SPAG16: variants seen among roughly 807,000 people sequenced by gnomAD.
SPAG16 encodes sperm-associated antigen 16 protein.
In SPAG16, 86 loss-of-function variants were observed where a neutral mutation model predicts 80.4. The ratio of observed to expected loss-of-function variants is 1.07; its 90% CI spans 0.90 to 1.28. The LOEUF (loss-of-function observed/expected upper bound fraction) is 1.28, where lower values mean the gene tolerates loss of function less well. Among genes scored for constraint, SPAG16 ranks in the 50% most tolerant of loss-of-function variants. SPAG16 has a pLI of 0.00. For synonymous variants in SPAG16, 294 were observed against 265.9 expected, an observed-to-expected ratio of 1.11 and a Z score of -1.03; for missense variants, 870 against 765.3, an observed-to-expected ratio of 1.14 and a Z score of -1.61.
At chr2:214,173,137 G>A (rs373816825) in intron 15 of SPAG16, among the ~76,000 whole-genome samples, 237 of 151,966 alleles carry the variant, frequency 1.6e-3, no homozygotes, top group Admixed American at 2.5e-3. Context: ...TTTTGTTGCC[G>A]TTGCTTTTGG....
intron 13 of SPAG16, among the ~76,000 whole-genome samples, chr2:214,085,133 A>T (rs2051636864): frequency 6.6e-6 from 1 of 152,194 alleles, no homozygotes. Flanking sequence ...ATAAAGTCAA[A>T]GTTGCGTAAA....
At chr2:213,292,620 C>T (rs1194579060) in intron 1 of SPAG16, among the ~76,000 whole-genome samples, 13 of 143,210 alleles carry the variant, frequency 9.1e-5, no homozygotes, top group Non-Finnish European at 1.7e-4. Flanking sequence ...GCCGAGATCC[C>T]GCCACTGCAC....
intron 14 of SPAG16, among the ~76,000 whole-genome samples, chr2:214,113,524 T>C (rs1241166873): frequency 6.6e-6 from 1 of 152,212 alleles, no homozygotes; most frequent in African/African-American, 2.4e-5. Context: ...CGTTTCTTTT[T>C]AACTCTTTTT....
chr2:213,818,560 C>G (rs535802933), intron 10 of SPAG16, among the ~76,000 whole-genome samples: 1 of 152,292 alleles, frequency 6.6e-6, no homozygotes, highest in South Asian at 2.1e-4. Flanking sequence ...TTTTTTACTA[C>G]TCATCTATTG....
At chr2:214,218,293 G>C (rs2058483644) in intron 15 of SPAG16, among the ~76,000 whole-genome samples, 1 of 152,104 alleles carries the variant, frequency 6.6e-6, no homozygotes, top group African/African-American at 2.4e-5. Context: ...AACAGTCTGG[G>C]GGACCCCTAG....
chr2:214,059,226 A>ATATATATATATATGTATGTG (rs2050123123), intron 13 of SPAG16, among the ~76,000 whole-genome samples: 1 of 115,862 alleles, frequency 8.6e-6, no homozygotes, highest in African/African-American at 3.4e-5. Context: ...GTATGTGTAT[A>ATATATATATATATGTATGTG]TATATATATA....
rs533894885 is a variant in SPAG16 at position 213,347,352 on chromosome 2, A to G, written c.645-3176A>G. ...AAAAAATCAGCTCCTGGATTCATTGATATTTTGAAGGGTTTTTTGTGTCTC... is the reference window on the plus strand; with the variant it reads ...AAAAAATCAGCTCCTGGATTCATTGGTATTTTGAAGGGTTTTTTGTGTCTC... On this transcript the variant is annotated intron_variant, in intron 6 of 15. Coordinates refer to ENST00000331683, the MANE Select transcript of SPAG16 (RefSeq NM_024532.5). Among the ~76,000 whole-genome samples the G allele has an allele frequency of 3.9e-5, 6 of 152,068 alleles. No homozygotes were observed. In the East Asian group the frequency reaches 1.2e-3, roughly 29 times the overall value.
At chr2:213,506,069 G>T (rs940193754) in intron 10 of SPAG16, among the ~76,000 whole-genome samples, 3 of 151,742 alleles carry the variant, frequency 2.0e-5, no homozygotes, top group Non-Finnish European at 2.9e-5. Context: ...GATATTTATG[G>T]ATACAATATA....
chr2:214,280,669 A>G, intron 15 of SPAG16: 1 of 310,140 alleles, frequency 3.2e-6, no homozygotes, highest in South Asian at 3.9e-5. Flanking sequence ...AGCTGTGAGG[A>G]AGCTTGCCTT....
intron 13 of SPAG16, among the ~76,000 whole-genome samples, chr2:214,076,541 GTC>G (rs377079700): frequency 0.022 from 1,464 of 68,080 alleles, 20 homozygotes; most frequent in African/African-American, 0.071. Context: ...GTGTGTGTGT[GTC>G]TGTGTGTGTG....
chr2:214,283,138 C>T (rs1310358447), intron 15 of SPAG16, among the ~76,000 whole-genome samples: 2 of 150,154 alleles, frequency 1.3e-5, no homozygotes, highest in Non-Finnish European at 1.5e-5. Flanking sequence ...TTAATAATTG[C>T]AGGGCCCACC....
chr2:213,492,448 G>T (rs921455398), intron 10 of SPAG16, among the ~76,000 whole-genome samples: 1 of 152,008 alleles, frequency 6.6e-6, no homozygotes, highest in Non-Finnish European at 1.5e-5. Context: ...TACTCGGGAG[G>T]CTGAGGCAGG....
At chr2:213,742,547 C>CTTTTTTTGTTTTTTTTTTTTT (rs1559428496) in intron 10 of SPAG16, among the ~76,000 whole-genome samples, 1 of 24,812 alleles carries the variant, frequency 4.0e-5, no homozygotes, top group Non-Finnish European at 1.7e-4. Context: ...TTGCTTATTT[C>CTTTTTTTGTTTTTTTTTTTTT]TTTTTTTTTT....
chr2:214,321,139 T>TA (rs560144797), intron 15 of SPAG16, among the ~76,000 whole-genome samples: 15 of 152,306 alleles, frequency 9.8e-5, no homozygotes, highest in Non-Finnish European at 2.1e-4. Flanking sequence ...AAGAATAAGA[T>TA]AATGGCTATC....
intron 15 of SPAG16, among the ~76,000 whole-genome samples, chr2:214,220,726 C>T (rs2058544977): frequency 6.6e-6 from 1 of 152,136 alleles, no homozygotes; most frequent in Non-Finnish European, 1.5e-5. Flanking sequence ...AAACCCCCAA[C>T]AAGTATTTAT....
intron 13 of SPAG16, among the ~76,000 whole-genome samples, chr2:214,100,430 A>C (rs1341052977): frequency 1.3e-5 from 2 of 152,106 alleles, no homozygotes; most frequent in Non-Finnish European, 2.9e-5. Flanking sequence ...GGTTTATTAT[A>C]TAGGTAAATT....
At chr2:213,410,150 G>C (rs879706369) in intron 9 of SPAG16, among the ~76,000 whole-genome samples, 13 of 151,972 alleles carry the variant, frequency 8.6e-5, no homozygotes, top group Admixed American at 7.9e-4. Flanking sequence ...GTGGGCCATA[G>C]TCCCAGGGGA....
At chr2:214,086,143 C>T (rs766821654) in intron 13 of SPAG16, among the ~76,000 whole-genome samples, 7 of 152,106 alleles carry the variant, frequency 4.6e-5, no homozygotes, top group East Asian at 1.9e-4. Flanking sequence ...TCTCATACAG[C>T]GTAAACTTCT....
At chr2:214,179,849 A>C (rs1421765392) in intron 15 of SPAG16, among the ~76,000 whole-genome samples, 1 of 151,516 alleles carries the variant, frequency 6.6e-6, no homozygotes, top group Non-Finnish European at 1.5e-5. Flanking sequence ...TTATGAGTGG[A>C]AAATAAATGG....
Sources: gnomAD v4.1 joint callset for allele counts (sites outside exome capture counted in the v4.1 genomes callset) on GRCh38, gnomAD v4.1.1 for gene constraint, MANE v1.5 for transcripts, NCBI Gene and HGNC (gene_info 2026-07-23, HGNC 2026-07-21) for gene names.